Variants in PA2G4 observed in about 807,000 individuals in gnomAD.
The protein encoded by PA2G4 is proliferation-associated protein 2G4.
PA2G4 carries 8 observed loss-of-function variants against 53.3 expected under a neutral mutation model. That is an observed-to-expected ratio of 0.15 (90% confidence interval 0.09 to 0.27). PA2G4 has a LOEUF of 0.27. Among genes scored for constraint, PA2G4 ranks in the 10% least tolerant of loss-of-function variants. The pLI is 1.00. For synonymous variants in PA2G4, 143 were observed against 169.8 expected (o/e 0.84, Z 1.23); for missense variants, 208 against 486.8 (o/e 0.43, Z 5.39).
chr12:56,113,731 C>G lies in PA2G4; in HGVS notation c.*843C>G, dbSNP rs563595691. The G allele has an allele frequency of 2.6e-4, 175 of 660,956 alleles. No individual in the cohort carries two copies. In the African/African-American group the frequency reaches 3.1e-3, roughly 12 times the overall value. 40.9% of individuals were successfully genotyped at this position (660,956 alleles called of 1,614,324 possible). On this transcript the variant is annotated 3_prime_UTR_variant, in exon 13 of 13. Coordinates refer to ENST00000303305, the MANE Select transcript of PA2G4 (RefSeq NM_006191.3). ...GCGTAGACTGACTGAAGACACAACT[C>G]CTGGCTTTCTGAAGCTATGGACTTG...
Position 56,109,260 on chromosome 12 carries a change from G to C in PA2G4, c.517G>C (p.Val173Leu). The change falls in exon 6 of 13, where the codon GTT becomes CTT. Residue 173 changes from valine (V) to leucine (L), a missense_variant. Around this residue, in one of 3 missense-constraint regions of PA2G4, gnomAD observed 143 missense variants for 386.8 expected, o/e 0.37. Transcript: ENST00000303305. Reference sequence around the variant, plus strand: ...ACAAGTGACAGAAGCCTGGAACAAAGTTGCCCACTCATTTAACTGCACGCC... The same window carrying C: ...ACAAGTGACAGAAGCCTGGAACAAACTTGCCCACTCATTTAACTGCACGCC... ...NTQVTEAWNK[V>L]AHSFNCTPIE... 1 of 1,611,818 alleles carries C rather than the reference G, an allele frequency of 6.2e-7. No individual in the cohort carries two copies. Among genetic ancestry groups the C allele is most frequent in the African/African-American group, 1.3e-5 (1 of 74,926 alleles).
chr12:56,109,434 A>ATTGGC, intron 6 of PA2G4, 141 bp downstream of exon 6: 1 of 581,660 alleles, frequency 1.7e-6, no homozygotes, highest in Non-Finnish European at 3.2e-6. Context: ...AGCCTGGCCA[A>ATTGGC]CATGGTGAAA....
At chr12:56,108,759 G>T (rs1241502109) in intron 5 of PA2G4, among the ~76,000 whole-genome samples, 1 of 152,156 alleles carries the variant, frequency 6.6e-6, no homozygotes, top group Admixed American at 6.5e-5. Flanking sequence ...AGTATTTTTA[G>T]ATTGTAGGGA....
intron 5 of PA2G4, 132 bp downstream of exon 5, chr12:56,107,745 T>G (rs1869331287): frequency 1.6e-6 from 1 of 612,694 alleles, no homozygotes; most frequent in Non-Finnish European, 2.9e-6. Context: ...TTAGCTATAT[T>G]TAGCTGGGCA....
intron 1 of PA2G4, among the ~76,000 whole-genome samples, chr12:56,105,545 G>A (rs1869282807): frequency 6.6e-6 from 1 of 152,184 alleles, no homozygotes; most frequent in African/African-American, 2.4e-5. Context: ...GATAGTCTTA[G>A]TTAGCATTCA....
At chr12:56,108,684 A>T (rs1227459348) in intron 5 of PA2G4, among the ~76,000 whole-genome samples, 1 of 152,206 alleles carries the variant, frequency 6.6e-6, no homozygotes. Context: ...TGACTTAGTG[A>T]TATTTTCAAC....
intron 4 of PA2G4, 43 bp from the exon 5 acceptor site, chr12:56,107,478 C>G: frequency 1.4e-6 from 2 of 1,450,060 alleles, no homozygotes; most frequent in Non-Finnish European, 1.9e-6. Flanking sequence ...GCTGAGTTAA[C>G]AGACTTTCCA....
rs762945438 is a variant in PA2G4, at chr12:56,113,875, A to G, written c.*987A>G. Reference sequence around the variant, plus strand: ...GGTTTTTAAACACATTGAAAATGACATGACATTAAAATAAATTTGGATTTG... The same window carrying G: ...GGTTTTTAAACACATTGAAAATGACGTGACATTAAAATAAATTTGGATTTG... On this transcript the variant is annotated 3_prime_UTR_variant, in exon 13 of 13. Transcript: ENST00000303305. 3 of 702,348 alleles carry G rather than the reference A, an allele frequency of 4.3e-6. No homozygotes were observed. In the South Asian group the frequency reaches 4.4e-5, roughly 10 times the overall value. 43.5% of individuals were successfully genotyped at this position (702,348 alleles called of 1,614,324 possible). A position where few individuals can be genotyped will look rare whatever the true frequency, so the allele number is the denominator to read the frequency against.
intron 2 of PA2G4, 44 bp downstream of exon 2, chr12:56,106,760 T>C: frequency 6.4e-7 from 1 of 1,567,166 alleles, no homozygotes; most frequent in East Asian, 2.2e-5. Context: ...TTGACCCTTA[T>C]TTGGTCCTAT....
intron 1 of PA2G4, 42 bp downstream of exon 1, chr12:56,104,867 G>C (rs760086139): frequency 6.5e-7 from 1 of 1,534,174 alleles, no homozygotes; most frequent in Non-Finnish European, 9.0e-7. Flanking sequence ...GGCTGATAGG[G>C]AAAGGTAACA....
At position 56,109,257 on chromosome 12, in the gene PA2G4, A is replaced by G. The variant is rs377104846; in HGVS notation, c.514A>G (p.Lys172Glu). 6.2e-7 allele frequency: 1 copy of G among 1,612,546 alleles called. No individual in the cohort carries two copies. Among genetic ancestry groups the G allele is most frequent in the Non-Finnish European group, 8.5e-7 (1 of 1,179,384 alleles). Reference protein sequence around the residue: ...QNTQVTEAWNKVAHSFNCTPI... With the variant: ...QNTQVTEAWNEVAHSFNCTPI... ...CACACAAGTGACAGAAGCCTGGAACAAAGTTGCCCACTCATTTAACTGCAC... is the reference window on the plus strand; with the variant it reads ...CACACAAGTGACAGAAGCCTGGAACGAAGTTGCCCACTCATTTAACTGCAC... Residue 172 changes from lysine to glutamate, a missense_variant, in exon 6 of 13, where the codon AAA becomes GAA. Transcript: ENST00000303305.
chr12:56,112,722 G>A, intron 12 of PA2G4, 101 bp from the exon 13 acceptor site: 2 of 813,878 alleles, frequency 2.5e-6, no homozygotes, highest in Non-Finnish European at 4.0e-6. Flanking sequence ...AAAACAGAGT[G>A]AGACTGTCTC....
rs200163680 is a variant in PA2G4 at position 56,104,839 on chromosome 12, C to T, written c.88+14C>T. 14 of 1,605,752 alleles carry T rather than the reference C, an allele frequency of 8.7e-6. No individual in the cohort carries two copies. In the Admixed American group the frequency reaches 1.3e-4, roughly 15 times the overall value. On this transcript the variant is annotated intron_variant, in intron 1 of 12. Coordinates refer to ENST00000303305, the MANE Select transcript of PA2G4 (RefSeq NM_006191.3). ...ACATCGCCAACAGTGAGTGCGGCCT[C>T]GGGGGTCGGGGAATCAAGGCTGATA...
chr12:56,106,416 A>G (rs1251556799), intron 1 of PA2G4, 172 bp from the exon 2 acceptor site: 4 of 640,094 alleles, frequency 6.2e-6, no homozygotes, highest in East Asian at 6.1e-5. Flanking sequence ...GATTGTATAT[A>G]CCCAGTTGTC....
At chr12:56,111,724 A>ATT (rs1337700533) in intron 12 of PA2G4, among the ~76,000 whole-genome samples, 195 bp downstream of exon 12, 2 of 149,462 alleles carry the variant, frequency 1.3e-5, no homozygotes, top group Admixed American at 6.7e-5. Flanking sequence ...ATATATATAT[A>ATT]TTTTAAGAGA....
chr12:56,112,726 C>G (rs1869455868), intron 12 of PA2G4, 97 bp from the exon 13 acceptor site: 3 of 838,124 alleles, frequency 3.6e-6, no homozygotes, highest in African/African-American at 3.6e-5. Context: ...CAGAGTGAGA[C>G]TGTCTCAGAA....
intron 1 of PA2G4, chr12:56,105,122 C>T: frequency 1.5e-6 from 1 of 648,058 alleles, no homozygotes. Context: ...TCTCTTGTTC[C>T]TATCCTTCAT....
Position 56,104,809 on chromosome 12 carries a change from G to C in PA2G4, c.72G>C (p.Gly24=). Residue 24 remains glycine (G), a synonymous_variant, in exon 1 of 13, where the codon GGG becomes GGC. Coordinates refer to ENST00000303305, the MANE Select transcript of PA2G4 (RefSeq NM_006191.3). ...TGGTCGTGACCAAGTATAAGATGGG[G>C]GGCGACATCGCCAACAGTGAGTGCG... ...EDLVVTKYKM[G]GDIANRVLRS... is the part of the protein sequence containing the mutation. The C allele has an allele frequency of 6.2e-7, 1 of 1,613,808 alleles. No individual in the cohort carries two copies. Among genetic ancestry groups the C allele is most frequent in the Non-Finnish European group, 8.5e-7 (1 of 1,179,818 alleles).
intron 4 of PA2G4, 67 bp downstream of exon 4, chr12:56,107,323 T>C: frequency 7.9e-7 from 1 of 1,269,718 alleles, no homozygotes; most frequent in Non-Finnish European, 1.2e-6. Context: ...ATTTGCTTCT[T>C]ATCCCCACCC....
Sources: gnomAD v4.1 joint callset for allele counts (sites outside exome capture counted in the v4.1 genomes callset) on GRCh38, gnomAD v4.1.1 for gene constraint, gnomAD v4.1.1 regional missense constraint, MANE v1.5 for transcripts, NCBI Gene and HGNC (gene_info 2026-07-23, HGNC 2026-07-21) for gene names.